RBFOX3: variants seen among roughly 807,000 people sequenced by gnomAD.
RBFOX3 encodes the protein RNA binding fox-1 homolog 3.
Under a neutral mutation model 48.7 loss-of-function variants are expected in RBFOX3, and 17 were observed. The ratio of observed to expected loss-of-function variants is 0.35; its 90% CI spans 0.24 to 0.52. RBFOX3 has a LOEUF of 0.52. RBFOX3 is among the 20% of genes least tolerant of loss of function. The pLI is 0.94. For synonymous variants in RBFOX3, 212 were observed against 209.5 expected (o/e 1.01, Z -0.10); for missense variants, 382 against 497.5 (o/e 0.77, Z 2.21).
intron 2 of RBFOX3, among the ~76,000 whole-genome samples, chr17:79,370,442 C>A (rs562324340): frequency 9.6e-4 from 146 of 152,168 alleles, no homozygotes; most frequent in African/African-American, 3.2e-3. Context: ...ATGCACACAC[C>A]CTGATGTGCA....
At chr17:79,463,023 ACACCTCCACCACCATCGCCACTGC>A (rs1456059051) in intron 2 of RBFOX3, among the ~76,000 whole-genome samples, 16 of 71,530 alleles carry the variant, frequency 2.2e-4, no homozygotes, top group East Asian at 8.3e-4. Flanking sequence ...ATTGCCACTG[ACACCTCCACCACCATCGCCACTGC>A]CACCTCCACC....
intron 4 of RBFOX3, among the ~76,000 whole-genome samples, chr17:79,179,534 C>T (rs1286957058): frequency 6.6e-6 from 1 of 151,894 alleles, no homozygotes; most frequent in Non-Finnish European, 1.5e-5. Context: ...CCCCGGCCAG[C>T]CCCCTCCCCT....
intron 2 of RBFOX3, among the ~76,000 whole-genome samples, chr17:79,314,773 T>G (rs1398016833): frequency 6.6e-6 from 1 of 152,130 alleles, no homozygotes; most frequent in Non-Finnish European, 1.5e-5. Flanking sequence ...CGCTTACATG[T>G]GTGTATAAAT....
intron 2 of RBFOX3, among the ~76,000 whole-genome samples, chr17:79,414,865 C>T (rs1225260789): frequency 1.3e-5 from 2 of 152,240 alleles, no homozygotes; most frequent in African/African-American, 4.8e-5. Flanking sequence ...TGCAGCAACC[C>T]CCTGGCAGTG....
At chr17:79,129,043 A>C (rs898541) in intron 4 of RBFOX3, among the ~76,000 whole-genome samples, 31,765 of 151,972 alleles carry the variant, frequency 0.21, 3,467 homozygotes, top group Middle Eastern at 0.25. Flanking sequence ...GACCCTGAGC[A>C]CAAGTGCTTG....
chr17:79,407,652 C>T (rs999668686), intron 2 of RBFOX3, among the ~76,000 whole-genome samples: 2 of 152,174 alleles, frequency 1.3e-5, no homozygotes, highest in Non-Finnish European at 2.9e-5. Flanking sequence ...GACAGAGGGT[C>T]CCTCAGGATT....
At chr17:79,154,930 T>C (rs2045431211) in intron 4 of RBFOX3, among the ~76,000 whole-genome samples, 1 of 151,104 alleles carries the variant, frequency 6.6e-6, no homozygotes. Context: ...CCCGGGGTCC[T>C]GCGCCTCCCA....
chr17:79,533,587 G>A (rs1230771147), intron 1 of RBFOX3, among the ~76,000 whole-genome samples: 2 of 152,210 alleles, frequency 1.3e-5, no homozygotes, highest in Non-Finnish European at 2.9e-5. Flanking sequence ...CCCAGCCCAG[G>A]GTGCCCCGAG....
chr17:79,493,590 C>T (rs2081014295), intron 1 of RBFOX3, among the ~76,000 whole-genome samples: 1 of 152,160 alleles, frequency 6.6e-6, no homozygotes, highest in Non-Finnish European at 1.5e-5. Context: ...AAAGGAGTCC[C>T]CAACCCCAGT....
At chr17:79,307,077 G>A (rs949636986) in intron 3 of RBFOX3, among the ~76,000 whole-genome samples, 1 of 152,254 alleles carries the variant, frequency 6.6e-6, no homozygotes, top group Non-Finnish European at 1.5e-5. Context: ...AGAAGAATGA[G>A]CTCATACCTA....
intron 1 of RBFOX3, among the ~76,000 whole-genome samples, chr17:79,515,091 C>T (rs2085053586): frequency 6.6e-6 from 1 of 152,198 alleles, no homozygotes; most frequent in Admixed American, 6.5e-5. Context: ...AGCCTGGGTG[C>T]ACCTGGTAAC....
intron 3 of RBFOX3, among the ~76,000 whole-genome samples, chr17:79,270,593 G>A (rs375265054): frequency 2.0e-5 from 3 of 152,244 alleles, no homozygotes; most frequent in South Asian, 2.1e-4. Context: ...TGAGAATAAT[G>A]CAATGGTGCC....
Position 79,206,638 on chromosome 17 carries a change from T to G in RBFOX3, c.-34+29128A>C, listed in dbSNP as rs147937530. Reference sequence around the variant, plus strand: ...CCATCAGCTGTCCACAGATGTAGCCTGAAGACAACTTGACTTAGTGAGTCT... The same window carrying G: ...CCATCAGCTGTCCACAGATGTAGCCGGAAGACAACTTGACTTAGTGAGTCT... On this transcript the variant is annotated intron_variant, in intron 4 of 14. Transcript: ENST00000693108. 4.6e-5 allele frequency among the ~76,000 whole-genome samples: 7 copies of G among 152,330 alleles called. No homozygotes were observed. The East Asian group carries it at 1.4e-3, about 29-fold the overall frequency.
intron 4 of RBFOX3, among the ~76,000 whole-genome samples, chr17:79,176,433 TC>T (rs2050557905): frequency 1.3e-5 from 2 of 152,280 alleles, no homozygotes; most frequent in South Asian, 2.1e-4. Context: ...AGCCGAGTAG[TC>T]CCAGCCTTCC....
At chr17:79,655,724 T>A in the RBFOX3 span, among the ~76,000 whole-genome samples, 2 of 152,124 alleles carry the variant, frequency 1.3e-5, no homozygotes, top group Non-Finnish European at 2.9e-5. Flanking sequence ...GATCTCTCTA[T>A]AAGAAGGTTC....
chr17:79,501,513 CCTT>C (rs2082384146), intron 1 of RBFOX3, among the ~76,000 whole-genome samples: 2 of 152,242 alleles, frequency 1.3e-5, no homozygotes, highest in African/African-American at 2.4e-5. Context: ...TCTGCCTCCT[CCTT>C]GTCATTATGA....
intron 4 of RBFOX3, among the ~76,000 whole-genome samples, chr17:79,144,005 T>G (rs1270460814): frequency 2.6e-5 from 4 of 152,122 alleles, no homozygotes; most frequent in Admixed American, 6.5e-5. Flanking sequence ...GGTGCCTGGA[T>G]GGTAACAGGC....
intron 2 of RBFOX3, among the ~76,000 whole-genome samples, chr17:79,369,851 C>T (rs1245552920): frequency 2.0e-5 from 3 of 152,142 alleles, no homozygotes; most frequent in Non-Finnish European, 2.9e-5. Context: ...TGGCCTTGTC[C>T]CTCCTGTCCC....
At chr17:79,530,689 GT>G (rs1194828133) in intron 1 of RBFOX3, among the ~76,000 whole-genome samples, 20 of 152,098 alleles carry the variant, frequency 1.3e-4, no homozygotes, top group African/African-American at 3.9e-4. Flanking sequence ...CAGCCCTCGG[GT>G]GCCTGCAATA....
Sources: allele counts gnomAD v4.1 joint callset (sites outside exome capture counted in the v4.1 genomes callset), GRCh38; gene constraint gnomAD v4.1.1; transcripts MANE v1.5; gene names NCBI Gene and HGNC (gene_info 2026-07-23, HGNC 2026-07-21).